Variants in ERCC6L2 observed in about 807,000 individuals in gnomAD.
ERCC6L2 encodes ERCC excision repair 6 like 2.
ERCC6L2 carries 77 observed loss-of-function variants against 132.0 expected under a neutral mutation model. That is an observed-to-expected ratio of 0.58 (90% CI 0.49 to 0.71). The LOEUF is 0.71. ERCC6L2 is among the 30% of genes least tolerant of loss of function. The probability of loss-of-function intolerance (pLI) is 0.00; values close to 1 mark genes in which losing one functional copy is unlikely to be tolerated. For missense variants in ERCC6L2, 1,542 were observed against 1,837.6 expected (o/e 0.84, Z 2.94); for synonymous variants, 583 against 632.4 (o/e 0.92, Z 1.17).
chr9:95,973,553 A>G (rs980054448), intron 16 of ERCC6L2, among the ~76,000 whole-genome samples: 9 of 152,166 alleles, frequency 5.9e-5, no homozygotes, highest in Non-Finnish European at 1.0e-4. Flanking sequence ...CATGTCTTAC[A>G]TGGATGGTGG....
chr9:95,995,354 C>A (rs754660897), intron 17 of ERCC6L2, among the ~76,000 whole-genome samples: 4 of 152,182 alleles, frequency 2.6e-5, no homozygotes, highest in Non-Finnish European at 5.9e-5. Context: ...ATGTTTCATA[C>A]TATCAATCTA....
chr9:96,033,501 C>T (rs1834486890), intron 19 of ERCC6L2, among the ~76,000 whole-genome samples: 1 of 152,202 alleles, frequency 6.6e-6, no homozygotes, highest in African/African-American at 2.4e-5. Context: ...CCTGCCTTGG[C>T]CTCCCAAAGT....
Position 96,004,630 on chromosome 9 carries a change from G to C in ERCC6L2, c.3603G>C (p.Gln1201His). The C allele has an allele frequency of 7.5e-7, 1 of 1,328,502 alleles. No individual in the cohort carries two copies. Among genetic ancestry groups the C allele is most frequent in the Non-Finnish European group, 1.0e-6 (1 of 1,000,954 alleles). 82.3% of individuals were successfully genotyped at this position (1,328,502 alleles called of 1,614,324 possible). ...TTTACATTTCAAATCCTGTAAACCA[G>C]AAGAAGAAAAAAGTCTACCATACAA... ...LPLYISNPVN[Q>H]KKKKVYHTNQ... Residue 1201 changes from glutamine to histidine, a missense_variant, in exon 18 of 19, where the codon CAG (glutamine) becomes CAC (histidine). This residue lies in a region of ERCC6L2 where 442 missense variants were observed against 583.4 expected (regional missense o/e 0.76). Transcript: ENST00000653738.
At chr9:95,981,650 A>G (rs1766153515) in intron 17 of ERCC6L2, among the ~76,000 whole-genome samples, 1 of 152,200 alleles carries the variant, frequency 6.6e-6, no homozygotes, top group African/African-American at 2.4e-5. Context: ...AGCTCAGGCG[A>G]AAAAGAAGTG....
chr9:95,942,222 GA>G (rs977850148), intron 12 of ERCC6L2, among the ~76,000 whole-genome samples: 26 of 152,094 alleles, frequency 1.7e-4, no homozygotes, highest in African/African-American at 6.0e-4. Flanking sequence ...CCCAGGACAT[GA>G]AAAAGGGAAA....
chr9:95,951,855 T>A (rs1440624872), intron 12 of ERCC6L2, among the ~76,000 whole-genome samples: 1 of 152,026 alleles, frequency 6.6e-6, no homozygotes, highest in Non-Finnish European at 1.5e-5. Context: ...GCTGATTAAT[T>A]CTACCAAGCA....
At chr9:95,923,205 A>G in intron 8 of ERCC6L2, 55 bp from the exon 9 acceptor site, 1 of 1,548,770 alleles carries the variant, frequency 6.5e-7, no homozygotes. Flanking sequence ...TTCAATTTAT[A>G]CAGGTTTGAA....
At chr9:95,991,561 C>G (rs779177431) in intron 17 of ERCC6L2, among the ~76,000 whole-genome samples, 8 of 152,158 alleles carry the variant, frequency 5.3e-5, no homozygotes, top group Non-Finnish European at 1.2e-4. Flanking sequence ...AAAAAATGAA[C>G]CTAGTGAGCA....
Position 95,880,865 on chromosome 9 carries a change from G to T in ERCC6L2, c.47-4G>T, listed in dbSNP as rs752096538. 6.3e-7 allele frequency: 1 copy of T among 1,588,466 alleles called. No homozygotes were observed. Among genetic ancestry groups the T allele is most frequent in the South Asian group, 1.1e-5 (1 of 87,312 alleles). ...TGGAAACTTTATTTTCTTTATTCTTGCAGACATATGGCATCCAGGAGAAAG... is the reference window on the plus strand; with the variant it reads ...TGGAAACTTTATTTTCTTTATTCTTTCAGACATATGGCATCCAGGAGAAAG... On this transcript the variant is annotated splice_polypyrimidine_tract_variant and splice_region_variant and intron_variant, in intron 1 of 18. Transcript: ENST00000653738.
At chr9:95,925,477 G>A (rs1830060785) in intron 9 of ERCC6L2, among the ~76,000 whole-genome samples, 1 of 152,100 alleles carries the variant, frequency 6.6e-6, no homozygotes, top group East Asian at 1.9e-4. Context: ...CTTTATAGGT[G>A]GATTGTCTTG....
intron 17 of ERCC6L2, among the ~76,000 whole-genome samples, chr9:95,991,403 G>A (rs1425304302): frequency 6.6e-6 from 1 of 152,100 alleles, no homozygotes; most frequent in Non-Finnish European, 1.5e-5. Flanking sequence ...GTTCTGTATG[G>A]TGAAATGGGA....
At chr9:95,886,507 T>C (rs1251287391) in intron 2 of ERCC6L2, among the ~76,000 whole-genome samples, 3 of 152,192 alleles carry the variant, frequency 2.0e-5, no homozygotes, top group Non-Finnish European at 4.4e-5. Context: ...CTAGAACTGT[T>C]ATTTTTTTCC....
intron 17 of ERCC6L2, among the ~76,000 whole-genome samples, chr9:95,998,629 G>C (rs1239799729): frequency 1.3e-5 from 2 of 152,196 alleles, no homozygotes; most frequent in African/African-American, 2.4e-5. Context: ...ACAAGACAAG[G>C]ATTGTGGGCA....
chr9:95,981,700 G>A (rs1832899930), intron 17 of ERCC6L2, among the ~76,000 whole-genome samples: 1 of 152,156 alleles, frequency 6.6e-6, no homozygotes, highest in African/African-American at 2.4e-5. Flanking sequence ...CTTTATTAGA[G>A]TTCATCTGTT....
intron 2 of ERCC6L2, among the ~76,000 whole-genome samples, chr9:95,884,090 C>G (rs1827739395): frequency 6.6e-6 from 1 of 152,096 alleles, no homozygotes; most frequent in Non-Finnish European, 1.5e-5. Flanking sequence ...TTTTCTATTC[C>G]TGATACACTG....
At chr9:96,022,644 G>T (rs1834310622), downstream of ERCC6L2, among the ~76,000 whole-genome samples, 2 of 152,222 alleles carry the variant, frequency 1.3e-5, no homozygotes, top group Admixed American at 1.3e-4. Flanking sequence ...GTCCGGGCCA[G>T]ACGGCAGCGA....
At chr9:95,973,927 T>G (rs1365241094) in intron 16 of ERCC6L2, among the ~76,000 whole-genome samples, 1 of 152,204 alleles carries the variant, frequency 6.6e-6, no homozygotes, top group African/African-American at 2.4e-5. Context: ...TGCATTTTGC[T>G]AATTGTACCC....
Position 95,940,586 on chromosome 9 carries a change from A to G in ERCC6L2, c.1752-868A>G, listed in dbSNP as rs73534683. Reference sequence around the variant, plus strand: ...TTGCTAGTTTGATTCCGTTATTGTTAGAGAACATACTCAGTATAATACCAT... The same window carrying G: ...TTGCTAGTTTGATTCCGTTATTGTTGGAGAACATACTCAGTATAATACCAT... On this transcript the variant is annotated intron_variant, in intron 11 of 18. Coordinates refer to ENST00000653738, the MANE Select transcript of ERCC6L2 (RefSeq NM_020207.7). Among the ~76,000 whole-genome samples, 435 of 152,268 alleles carry G rather than the reference A, an allele frequency of 2.9e-3. 3 individuals carry two copies. The highest frequency in any genetic ancestry group is 0.01 in the African/African-American group (424 of 41,554).
intron 12 of ERCC6L2, among the ~76,000 whole-genome samples, chr9:95,944,375 A>G (rs1830950744): frequency 6.6e-6 from 1 of 152,174 alleles, no homozygotes; most frequent in African/African-American, 2.4e-5. Flanking sequence ...ATAGGGAGGA[A>G]TGGGGAATTA....
Sources: allele counts gnomAD v4.1 joint callset (sites outside exome capture counted in the v4.1 genomes callset), GRCh38; gene constraint gnomAD v4.1.1; regional missense constraint gnomAD v4.1.1; transcripts MANE v1.5; gene names NCBI Gene and HGNC (gene_info 2026-07-23, HGNC 2026-07-21).